PRKAR1A: variants seen among roughly 807,000 people sequenced by gnomAD.
PRKAR1A encodes protein kinase cAMP-dependent type I regulatory subunit alpha, also known as cAMP-dependent protein kinase type I-alpha regulatory subunit.
PRKAR1A carries 3 observed loss-of-function variants against 52.0 expected under a neutral mutation model. The ratio of observed to expected loss-of-function variants is 0.06; its 90% confidence interval spans 0.03 to 0.15. The LOEUF (loss-of-function observed/expected upper bound fraction) is 0.15. Ranked by LOEUF, PRKAR1A falls within the 10% of genes least tolerant of loss-of-function variation. PRKAR1A has a pLI of 1.00. For synonymous variants in PRKAR1A, 188 were observed against 168.4 expected (o/e 1.12, Z -0.90); for missense variants, 240 against 477.4 (o/e 0.50, Z 4.63).
chr17:68,542,195 A>G (rs1346964513), intron 11 of PRKAR1A: 6 of 1,612,678 alleles, frequency 3.7e-6, no homozygotes, highest in Non-Finnish European at 5.1e-6. Flanking sequence ...GAGGAGGAGT[A>G]AGTGGAGGGC....
the PRKAR1A span, among the ~76,000 whole-genome samples, chr17:68,484,886 A>G: frequency 1.3e-5 from 2 of 152,226 alleles, no homozygotes; most frequent in African/African-American, 4.8e-5. Flanking sequence ...GTCAAAGGAT[A>G]TTGTTCACTT....
the PRKAR1A span, among the ~76,000 whole-genome samples, chr17:68,490,819 C>T: frequency 6.6e-6 from 1 of 152,132 alleles, no homozygotes. Context: ...GTACCCTTGG[C>T]CCCATCTCGT....
chr17:68,476,643 CCTCCATCCCTCCCTCTCTCTCTCT>C, the PRKAR1A span, among the ~76,000 whole-genome samples: 2 of 151,222 alleles, frequency 1.3e-5, no homozygotes, highest in African/African-American at 4.9e-5. Context: ...TCTCTCCCTC[CCTCCATCCCTCCCTCTCTCTCTCT>C]CTTTCTCTCT....
At chr17:68,490,405 T>C in the PRKAR1A span, among the ~76,000 whole-genome samples, 5 of 152,208 alleles carry the variant, frequency 3.3e-5, no homozygotes, top group African/African-American at 7.2e-5. Context: ...CAGCCAGTTG[T>C]TGAGGTTGCC....
chr17:68,548,222 C>A (rs143325576), intron 11 of PRKAR1A, among the ~76,000 whole-genome samples: 2 of 152,124 alleles, frequency 1.3e-5, no homozygotes, highest in African/African-American at 4.8e-5. Context: ...AGTGAAACCC[C>A]GTCTCTACTA....
the PRKAR1A span, among the ~76,000 whole-genome samples, chr17:68,417,288 A>T: frequency 6.6e-6 from 1 of 152,184 alleles, no homozygotes; most frequent in Non-Finnish European, 1.5e-5. Flanking sequence ...AGCTCTGGTA[A>T]ATTAGTTTCT....
At chr17:68,498,973 G>C in the PRKAR1A span, among the ~76,000 whole-genome samples, 1 of 152,114 alleles carries the variant, frequency 6.6e-6, no homozygotes, top group African/African-American at 2.4e-5. Context: ...TACATGACTT[G>C]GGCAAGTTGT....
chr17:68,426,252 G>GGGGT, the PRKAR1A span: 2 of 828,180 alleles, frequency 2.4e-6, no homozygotes, highest in Admixed American at 2.3e-5. Flanking sequence ...TGGGGAGCGG[G>GGGGT]GGCTCAAATA....
At chr17:68,419,916 G>A in the PRKAR1A span, among the ~76,000 whole-genome samples, 3 of 152,168 alleles carry the variant, frequency 2.0e-5, no homozygotes, top group Non-Finnish European at 4.4e-5. Context: ...CTAGGATCAC[G>A]CTACTGCATT....
the PRKAR1A span, among the ~76,000 whole-genome samples, chr17:68,446,211 C>T: frequency 2.6e-5 from 4 of 151,682 alleles, no homozygotes; most frequent in Admixed American, 2.6e-4. Flanking sequence ...GACAGGGTCT[C>T]GTTCTGTCAC....
At chr17:68,530,073 C>T in intron 10 of PRKAR1A, 72 bp downstream of exon 10, 1 of 1,553,984 alleles carries the variant, frequency 6.4e-7, no homozygotes, top group Non-Finnish European at 8.9e-7. Flanking sequence ...TTGTAGTCTT[C>T]CATAATTTTG....
chr17:68,504,308 A>C, the PRKAR1A span, among the ~76,000 whole-genome samples: 65 of 152,124 alleles, frequency 4.3e-4, 1 homozygote, highest in Non-Finnish European at 7.7e-4. Context: ...CTACTAAAAA[A>C]AAAAAAAATT....
the PRKAR1A span, among the ~76,000 whole-genome samples, chr17:68,460,652 G>T: frequency 1.6e-4 from 24 of 152,166 alleles, no homozygotes; most frequent in Non-Finnish European, 3.1e-4. Context: ...ATGTAAGTCT[G>T]TATTTTTATA....
At chr17:68,415,421 G>T in the PRKAR1A span, among the ~76,000 whole-genome samples, 4 of 152,090 alleles carry the variant, frequency 2.6e-5, no homozygotes, top group Admixed American at 2.6e-4. Context: ...ATTTATTGAG[G>T]CTCATTTTGT....
the PRKAR1A span, among the ~76,000 whole-genome samples, chr17:68,458,378 A>G: frequency 6.6e-6 from 1 of 152,246 alleles, no homozygotes; most frequent in Non-Finnish European, 1.5e-5. Flanking sequence ...TAACTGCTAA[A>G]CAGTAATTTG....
At chr17:68,429,337 T>C in the PRKAR1A span, among the ~76,000 whole-genome samples, 4 of 152,328 alleles carry the variant, frequency 2.6e-5, no homozygotes, top group Admixed American at 2.0e-4. Context: ...ATTTTAAAAA[T>C]GTTCAACTTT....
chr17:68,430,268 G>A, the PRKAR1A span: 1 of 1,147,856 alleles, frequency 8.7e-7, no homozygotes, highest in Non-Finnish European at 1.2e-6. Context: ...AGCAGGGAGA[G>A]ACTGTGCCTT....
intron 2 of PRKAR1A, among the ~76,000 whole-genome samples, chr17:68,518,367 G>C (rs1322562819): frequency 2.0e-5 from 3 of 152,240 alleles, no homozygotes; most frequent in Admixed American, 2.0e-4. Flanking sequence ...GCAAACTTCT[G>C]TCTGGGCATC....
the PRKAR1A span, among the ~76,000 whole-genome samples, chr17:68,469,326 A>AC: frequency 6.6e-6 from 1 of 151,554 alleles, no homozygotes; most frequent in African/African-American, 2.4e-5. Flanking sequence ...AATTTCTTCT[A>AC]CCCCCAGGAG....
Sources: allele counts gnomAD v4.1 joint callset (sites outside exome capture counted in the v4.1 genomes callset), GRCh38; gene constraint gnomAD v4.1.1; transcripts MANE v1.5; gene names NCBI Gene and HGNC (gene_info 2026-07-23, HGNC 2026-07-21).